The following TNRC18 variants were observed in gnomAD, a reference collection of about 807,000 sequenced individuals.
The protein encoded by TNRC18 is trinucleotide repeat-containing gene 18 protein.
TNRC18 carries 69 observed loss-of-function variants against 226.7 expected under a neutral mutation model. The observed-to-expected ratio is 0.30, with a 90% CI of 0.25 to 0.37. The LOEUF (loss-of-function observed/expected upper bound fraction) is 0.37, where lower values mean the gene tolerates loss of function less well. TNRC18 is among the 10% of genes least tolerant of loss of function. The pLI, the probability that TNRC18 is intolerant of heterozygous loss-of-function variation, is 1.00. For missense variants in TNRC18, 4,754 were observed against 4,256.6 expected (o/e 1.12, Z -3.25); for synonymous variants, 2,449 against 1,927.6 (o/e 1.27, Z -7.09).
chr7:5,335,970 G>A (rs1790064785), intron 18 of TNRC18, among the ~76,000 whole-genome samples: 1 of 151,648 alleles, frequency 6.6e-6, no homozygotes, highest in African/African-American at 2.4e-5. Context: ...ACTTTGGGAG[G>A]CCAAGGCGGG....
chr7:5,376,305 G>A, intron 8 of TNRC18, 81 bp from the exon 9 acceptor site: 5 of 1,223,660 alleles, frequency 4.1e-6, no homozygotes, highest in Non-Finnish European at 4.4e-6. Flanking sequence ...GCTGAAGCCA[G>A]AGAGGGGCCA....
chr7:5,397,800 C>T (rs1780797767), intron 2 of TNRC18, among the ~76,000 whole-genome samples: 2 of 152,118 alleles, frequency 1.3e-5, no homozygotes, highest in South Asian at 2.1e-4. Flanking sequence ...GACCTGTGAC[C>T]ACCCACAACC....
intron 10 of TNRC18, among the ~76,000 whole-genome samples, chr7:5,372,568 A>G (rs936001680): frequency 3.9e-5 from 6 of 152,002 alleles, no homozygotes; most frequent in African/African-American, 1.2e-4. Context: ...AAAAAAAATT[A>G]GCTGGTCATG....
At chr7:5,368,659 T>C (rs1277513998) in intron 11 of TNRC18, among the ~76,000 whole-genome samples, 11 of 83,420 alleles carry the variant, frequency 1.3e-4, no homozygotes, top group African/African-American at 6.6e-4. Flanking sequence ...AGTGAGACTC[T>C]GTCTCAAAAA....
Position 5,308,909 on chromosome 7 carries a change from A to T in TNRC18, c.8666T>A (p.Leu2889Gln). ...GTCCTTCCTCTGGCTGGAGACCCGC[A>T]GGGCCGCCGGGAGGCTGCGGCTGGA... ...QKSSRSLPAA[L>Q]RVSSQRKDFM... The change falls in exon 29 of 30, where the codon CTG becomes CAG. Residue 2889 changes from leucine to glutamine, a missense_variant. Transcript: ENST00000430969. 7.4e-7 allele frequency: 1 copy of T among 1,347,496 alleles called. No homozygotes were observed. 83.5% of individuals were successfully genotyped at this position (1,347,496 alleles called of 1,614,324 possible). A position where few individuals can be genotyped will look rare whatever the true frequency, so the allele number is the denominator to read the frequency against.
intron 17 of TNRC18, among the ~76,000 whole-genome samples, chr7:5,348,433 G>A (rs899636091): frequency 2.6e-5 from 4 of 152,136 alleles, no homozygotes; most frequent in East Asian, 1.9e-4. Context: ...ATAGACAGAC[G>A]GGGAAGACGG....
intron 11 of TNRC18, among the ~76,000 whole-genome samples, chr7:5,366,884 C>A (rs934922862): frequency 6.6e-6 from 1 of 152,202 alleles, no homozygotes; most frequent in Non-Finnish European, 1.5e-5. Flanking sequence ...AGGCAAGGGA[C>A]GCCCAAGTGA....
chr7:5,348,240 G>C (rs781499812), intron 17 of TNRC18, among the ~76,000 whole-genome samples: 3 of 152,226 alleles, frequency 2.0e-5, no homozygotes, highest in Non-Finnish European at 4.4e-5. Context: ...TCTGCCCTGA[G>C]ATGCAACATC....
chr7:5,308,433 A>T, intron 29 of TNRC18, 121 bp from the exon 30 acceptor site: 1 of 875,894 alleles, frequency 1.1e-6, no homozygotes, highest in South Asian at 1.6e-5. Flanking sequence ...ACAGAGACCA[A>T]GTCAGAGACA....
intron 16 of TNRC18, among the ~76,000 whole-genome samples, chr7:5,356,174 A>G (rs796693667): frequency 2.2e-5 from 3 of 133,550 alleles, no homozygotes; most frequent in African/African-American, 7.0e-5. Flanking sequence ...AAATTAAAAA[A>G]AAAAAAAAAA....
rs755298893 is a variant in TNRC18, at chr7:5,387,915, G to A, written c.1909C>T (p.Leu637Phe). 1 of 1,593,530 alleles carries A rather than the reference G, an allele frequency of 6.3e-7. No individual in the cohort carries two copies. The highest frequency in any genetic ancestry group is 8.5e-7 in the Non-Finnish European group (1 of 1,171,340). The change falls in exon 5 of 30, where the codon CTC becomes TTC. Residue 637 changes from leucine to phenylalanine, a missense_variant. Transcript: ENST00000430969. ...SAGASRAQAR[L>F]PHSGGPAAGG... ...GCTGCAGGGCCTCCGGAGTGTGGGA[G>A]ACGGGCCTGGGCTCGGGAGGCACCC...
At chr7:5,403,197 G>A (rs187881846) in intron 2 of TNRC18, among the ~76,000 whole-genome samples, 66 of 145,580 alleles carry the variant, frequency 4.5e-4, no homozygotes, top group Middle Eastern at 3.6e-3. Context: ...AGTTTCACTT[G>A]TTGCCCAGGC....
At chr7:5,405,145 A>T (rs1781380483) in intron 2 of TNRC18, among the ~76,000 whole-genome samples, 1 of 151,060 alleles carries the variant, frequency 6.6e-6, no homozygotes, top group East Asian at 2.0e-4. Context: ...TACAGAAATT[A>T]GGCTGGGCAC....
intron 5 of TNRC18, among the ~76,000 whole-genome samples, chr7:5,386,618 C>G (rs145469203): frequency 6.6e-6 from 1 of 150,878 alleles, no homozygotes; most frequent in Non-Finnish European, 1.5e-5. Flanking sequence ...GGCGTGGTGG[C>G]GCATACCTGC....
At chr7:5,363,321 G>C (rs1388665063) in intron 11 of TNRC18, among the ~76,000 whole-genome samples, 1 of 151,488 alleles carries the variant, frequency 6.6e-6, no homozygotes, top group Non-Finnish European at 1.5e-5. Flanking sequence ...TAAATAAATA[G>C]GCCAGGCGTG....
At position 5,321,905 on chromosome 7, in the gene TNRC18, C is replaced by T. The variant is rs1788407065; in HGVS notation, c.6443-715G>A. Among the ~76,000 whole-genome samples, 2 of 151,906 alleles carry T rather than the reference C, an allele frequency of 1.3e-5. 1 individual carries two copies. Among genetic ancestry groups the T allele is most frequent in the South Asian group, 4.1e-4 (2 of 4,822 alleles). On this transcript the variant is annotated intron_variant, in intron 21 of 29. Coordinates refer to ENST00000430969, the MANE Select transcript of TNRC18 (RefSeq NM_001080495.3). ...CAGGCTGATCCCGAGCCCCTGACCT[C>T]CGGTGATCCACCCTCCTCAGCCTCC...
Position 5,320,626 on chromosome 7 carries a change from C to T in TNRC18, c.6561-19G>A, listed in dbSNP as rs568232040. ...GCGGTATCTGTAGGAGCAAACGAGG[C>T]GTGAGGTGGCAGAGGCCGAGACCTC... is the stretch of plus-strand genomic sequence containing the variant. On this transcript the variant is annotated intron_variant, in intron 22 of 29. Transcript: ENST00000430969. 2.9e-5 allele frequency: 46 copies of T among 1,608,206 alleles called. 1 individual carries two copies. Among genetic ancestry groups the T allele is most frequent in the African/African-American group, 4.0e-5 (3 of 74,928 alleles).
chr7:5,335,410 C>A (rs1401529027), intron 18 of TNRC18, among the ~76,000 whole-genome samples: 1 of 151,006 alleles, frequency 6.6e-6, no homozygotes, highest in Admixed American at 6.6e-5. Flanking sequence ...GAGTTCAAGA[C>A]CAGCCTGGCC....
Position 5,377,312 on chromosome 7 carries a change from A to ACCCCCCC in TNRC18, c.2461+58_2461+59insGGGGGGG. The stretch of plus-strand genomic sequence containing the variant: ...AGCCAGCCCTGAGCTCTTGTCCTGC[A>ACCCCCCC]CCCGCCCCCTCCCACCCCTCCCTCA... On this transcript the variant is annotated intron_variant, in intron 7 of 29. Transcript: ENST00000430969. The surrounding 1 kb of genome is among the most constrained non-coding windows in gnomAD (Gnocchi z 5.8). The ACCCCCCC allele has an allele frequency of 1.2e-5, 16 of 1,295,708 alleles. No homozygotes were observed. Among genetic ancestry groups the ACCCCCCC allele is most frequent in the East Asian group, 2.6e-5 (1 of 38,804 alleles). The allele number at this position is 1,295,708 out of a possible 1,614,324, so 80.3% of individuals were successfully genotyped here.
Sources: gnomAD v4.1 joint callset for allele counts (sites outside exome capture counted in the v4.1 genomes callset) on GRCh38, gnomAD v4.1.1 for gene constraint, Gnocchi (gnomAD v3.1) non-coding constraint, MANE v1.5 for transcripts, NCBI Gene and HGNC (gene_info 2026-07-23, HGNC 2026-07-21) for gene names.